Variants in COL14A1 observed in about 807,000 individuals in gnomAD.
COL14A1 encodes collagen type XIV alpha 1 chain, also known as collagen alpha-1(XIV) chain.
In COL14A1, 136 loss-of-function variants were observed where a neutral mutation model predicts 230.3. That is an observed-to-expected ratio of 0.59 (90% confidence interval 0.51 to 0.68). The LOEUF (loss-of-function observed/expected upper bound fraction) is 0.68. COL14A1 is among the 30% of genes least tolerant of loss of function. The pLI is 0.00. For missense variants in COL14A1, 1,976 were observed against 2,215.8 expected, an observed-to-expected ratio of 0.89 and a Z score of 2.17; for synonymous variants, 792 against 784.1, an observed-to-expected ratio of 1.01 and a Z score of -0.17.
At chr8:120,312,290 C>T (rs1586853623) in intron 37 of COL14A1, among the ~76,000 whole-genome samples, 1 of 151,994 alleles carries the variant, frequency 6.6e-6, no homozygotes, top group East Asian at 1.9e-4. Context: ...TCAGTGCTTC[C>T]ACACGCTCAC....
At position 120,329,612 on chromosome 8, in the gene COL14A1, A is replaced by T. The variant is rs866126424; in HGVS notation, c.4660-2529A>T. Among the ~76,000 whole-genome samples, 10 of 152,332 alleles carry T rather than the reference A, an allele frequency of 6.6e-5. No individual in the cohort carries two copies. In the South Asian group the frequency reaches 1.7e-3, roughly 25 times the overall value. On this transcript the variant is annotated intron_variant, in intron 40 of 47. Coordinates refer to ENST00000297848, the MANE Select transcript of COL14A1 (RefSeq NM_021110.4). ...ACAGAGCAAGACTGTCTCAAAAAAA[A>T]TAAAATAGTTTATTTCAACTTATAT...
chr8:120,249,111 T>TTTTTTC (rs1393682175), intron 21 of COL14A1, among the ~76,000 whole-genome samples: 1 of 148,310 alleles, frequency 6.7e-6, no homozygotes, highest in Admixed American at 6.7e-5. Context: ...TTTTTTTTTT[T>TTTTTTC]AGTAGAGACG....
intron 1 of COL14A1, among the ~76,000 whole-genome samples, chr8:120,142,121 C>G (rs1184305051): frequency 1.3e-5 from 2 of 151,480 alleles, no homozygotes; most frequent in African/African-American, 4.9e-5. Flanking sequence ...TTTTACCTTT[C>G]TTTTCCTTGC....
intron 8 of COL14A1, among the ~76,000 whole-genome samples, chr8:120,202,185 T>C (rs1377111891): frequency 6.6e-6 from 1 of 152,218 alleles, no homozygotes; most frequent in Non-Finnish European, 1.5e-5. Context: ...TTCTCCATTT[T>C]CTGCTCTTGT....
intron 5 of COL14A1, among the ~76,000 whole-genome samples, chr8:120,187,315 A>G (rs764312553): frequency 1.3e-5 from 2 of 151,960 alleles, no homozygotes; most frequent in African/African-American, 2.4e-5. Context: ...ACATAGAGTT[A>G]CTCTTTGTAT....
At chr8:120,285,463 CAAAAAAAAAAAAAA>C (rs1218052645) in intron 32 of COL14A1, among the ~76,000 whole-genome samples, 3 of 64,990 alleles carry the variant, frequency 4.6e-5, no homozygotes, top group Admixed American at 2.0e-4. Context: ...GACTCCATCT[CAAAAAAAAAAAAAA>C]AAAAAAAAAA....
intron 1 of COL14A1, among the ~76,000 whole-genome samples, chr8:120,125,999 T>G (rs1586699235): frequency 6.6e-6 from 1 of 152,274 alleles, no homozygotes; most frequent in Middle Eastern, 3.4e-3. Flanking sequence ...GCTTCGTGCG[T>G]TTTGCTTTGG....
intron 1 of COL14A1, among the ~76,000 whole-genome samples, chr8:120,128,030 G>A (rs1448750114): frequency 2.6e-4 from 40 of 152,326 alleles, no homozygotes; most frequent in Non-Finnish European, 1.9e-4. Context: ...AAAGGAAAGT[G>A]ATAAAAATAA....
chr8:120,312,886 A>G (rs1821092263), intron 37 of COL14A1, among the ~76,000 whole-genome samples: 2 of 152,228 alleles, frequency 1.3e-5, no homozygotes, highest in African/African-American at 4.8e-5. Flanking sequence ...TCCTAATTTA[A>G]TAAAAGAATA....
rs540534969 is a variant in COL14A1, at chr8:120,334,572, G to A, written c.4785+1837G>A. Among the ~76,000 whole-genome samples the A allele has an allele frequency of 4.8e-3, 354 of 73,386 alleles. 2 individuals are homozygous for A. The highest frequency in any genetic ancestry group is 0.016 in the African/African-American group (316 of 20,122). 48.1% of individuals were successfully genotyped at this position (73,386 alleles called of 152,430 possible). A position where few individuals can be genotyped will look rare whatever the true frequency, so the allele number is the denominator to read the frequency against. On this transcript the variant is annotated intron_variant, in intron 42 of 47. Coordinates refer to ENST00000297848, the MANE Select transcript of COL14A1 (RefSeq NM_021110.4). ...TGTGAACACATGAAAAAATGCATGC[G>A]TTCACACACAAAAACACACACACAC...
intron 26 of COL14A1, among the ~76,000 whole-genome samples, chr8:120,276,695 G>A (rs779149222): frequency 6.6e-6 from 1 of 151,598 alleles, no homozygotes; most frequent in Non-Finnish European, 1.5e-5. Flanking sequence ...CATGGTGGGG[G>A]TAAGGGGGAG....
chr8:120,211,298 A>G (rs888670742), intron 12 of COL14A1, among the ~76,000 whole-genome samples: 1 of 152,228 alleles, frequency 6.6e-6, no homozygotes, highest in African/African-American at 2.4e-5. Flanking sequence ...AAAGAATATC[A>G]TAAAGGAATT....
At chr8:120,291,986 A>C (rs1025264530) in intron 34 of COL14A1, among the ~76,000 whole-genome samples, 8 of 152,190 alleles carry the variant, frequency 5.3e-5, no homozygotes, top group African/African-American at 1.9e-4. Context: ...GATAGAAATT[A>C]AATAGAATGT....
intron 23 of COL14A1, among the ~76,000 whole-genome samples, chr8:120,259,403 T>C (rs942498842): frequency 7.2e-5 from 11 of 152,282 alleles, no homozygotes; most frequent in African/African-American, 2.6e-4. Context: ...TTTTTCCCTG[T>C]GTTTCAAAAA....
chr8:120,130,238 T>C (rs1279180900), intron 1 of COL14A1, among the ~76,000 whole-genome samples: 1 of 152,216 alleles, frequency 6.6e-6, no homozygotes, highest in African/African-American at 2.4e-5. Flanking sequence ...AAAGAATACA[T>C]AGACTTGCAT....
intron 24 of COL14A1, among the ~76,000 whole-genome samples, chr8:120,264,020 A>G (rs1176073511): frequency 1.3e-5 from 2 of 152,208 alleles, no homozygotes; most frequent in African/African-American, 2.4e-5. Context: ...GTGCAGTTCA[A>G]TAATTTTTAG....
intron 1 of COL14A1, among the ~76,000 whole-genome samples, chr8:120,135,650 CTT>C (rs953255374): frequency 2.0e-5 from 3 of 151,922 alleles, no homozygotes; most frequent in African/African-American, 7.3e-5. Flanking sequence ...TTGTCCATGA[CTT>C]TTTTGAGATT....
chr8:120,304,558 CTTG>C (rs751831189), intron 36 of COL14A1, among the ~76,000 whole-genome samples: 38 of 152,142 alleles, frequency 2.5e-4, no homozygotes, highest in Non-Finnish European at 4.4e-4. Flanking sequence ...TTCCTATTGG[CTTG>C]TTACGTGAAT....
At chr8:120,213,937 C>G in intron 13 of COL14A1, 1 of 427,770 alleles carries the variant, frequency 2.3e-6, no homozygotes, top group East Asian at 7.7e-5. Context: ...CTCTCTAGCA[C>G]CTTAATTATT....
Sources: allele counts gnomAD v4.1 joint callset (sites outside exome capture counted in the v4.1 genomes callset), GRCh38; gene constraint gnomAD v4.1.1; transcripts MANE v1.5; gene names NCBI Gene and HGNC (gene_info 2026-07-23, HGNC 2026-07-21).